WDR27: variants seen among roughly 807,000 people sequenced by gnomAD.
The protein encoded by WDR27 is WD repeat domain 27.
A neutral mutation model predicts 114.4 loss-of-function variants in WDR27; 100 were observed. The ratio of observed to expected loss-of-function variants is 0.87; its 90% CI spans 0.74 to 1.03. The LOEUF (loss-of-function observed/expected upper bound fraction) is 1.03, where lower values mean the gene tolerates loss of function less well. Among genes scored for constraint, WDR27 ranks in the 50% least tolerant of loss-of-function variants. WDR27 has a pLI of 0.00. For synonymous variants in WDR27, 449 were observed against 423.1 expected, an observed-to-expected ratio of 1.06 and a Z score of -0.75; for missense variants, 1,129 against 1,092.9, an observed-to-expected ratio of 1.03 and a Z score of -0.47.
At position 169,688,988 on chromosome 6, in the gene WDR27, G is replaced by A. The variant is rs1783775243; in HGVS notation, c.18C>T (p.Asp6=). The A allele has an allele frequency of 7.4e-6, 12 of 1,612,048 alleles. No homozygotes were observed. In the East Asian group the frequency reaches 2.5e-4, roughly 33 times the overall value. Residue 6 remains aspartate (D), a synonymous_variant, in exon 2 of 26, where the codon GAC becomes GAT. Coordinates refer to ENST00000448612, the MANE Select transcript of WDR27 (RefSeq NM_182552.5). MENPQ[D]IFSSNGGCLS... is the part of the protein sequence containing the mutation. ...GACAGCCACCATTACTTGAGAAAATGTCTTGGGGATTTTCCATCTTCAATC... is the reference window on the plus strand; with the variant it reads ...GACAGCCACCATTACTTGAGAAAATATCTTGGGGATTTTCCATCTTCAATC...
the WDR27 span, among the ~76,000 whole-genome samples, chr6:169,443,382 G>C: frequency 6.6e-6 from 1 of 152,220 alleles, no homozygotes; most frequent in African/African-American, 2.4e-5. Flanking sequence ...CATTCGCTTT[G>C]ATAGGCATGT....
intron 22 of WDR27, among the ~76,000 whole-genome samples, chr6:169,605,108 C>CAAAAAAAAAAAAAAAAAAAAAAAAAAA (rs59884264): frequency 2.6e-5 from 2 of 76,204 alleles, no homozygotes; most frequent in Non-Finnish European, 4.3e-5. Context: ...AGCAATTAGG[C>CAAAAAAAAAAAAAAAAAAAAAAAAAAA]AAAAAAAAAA....
At chr6:169,594,456 G>A (rs1482093770) in intron 23 of WDR27, among the ~76,000 whole-genome samples, 1 of 152,114 alleles carries the variant, frequency 6.6e-6, no homozygotes, top group African/African-American at 2.4e-5. Flanking sequence ...ATGATATAGA[G>A]GTTTCCTATA....
intron 1 of WDR27, among the ~76,000 whole-genome samples, chr6:169,692,618 C>T (rs1290232278): frequency 2.0e-5 from 3 of 152,226 alleles, no homozygotes; most frequent in African/African-American, 7.2e-5. Flanking sequence ...AGACCAGCTT[C>T]ACAAACTGCA....
At chr6:169,429,184 CGGCTTT>C in the WDR27 span, among the ~76,000 whole-genome samples, 1 of 152,124 alleles carries the variant, frequency 6.6e-6, no homozygotes, top group Non-Finnish European at 1.5e-5. Flanking sequence ...CGGCGCTGGG[CGGCTTT>C]GGCTTTGTCC....
rs563810092 is a variant in WDR27, at chr6:169,634,672, T to C, written c.2004-147A>G. On this transcript the variant is annotated intron_variant, in intron 19 of 25. Transcript: ENST00000448612. ...TATGATACTGAGGGGAAAAGTGAAT[T>C]AGCTACCTTAATTTTTCTTTAGGAA... 6 of 550,364 alleles carry C rather than the reference T, an allele frequency of 1.1e-5. No individual in the cohort carries two copies. In the Admixed American group the frequency reaches 2.2e-4, roughly 20 times the overall value. The allele number at this position is 550,364 out of a possible 1,614,324, so 34.1% of individuals were successfully genotyped here.
intron 2 of WDR27, among the ~76,000 whole-genome samples, chr6:169,679,618 CACTTGTTCCTGTTTT>C (rs1372055202): frequency 1.3e-5 from 2 of 152,124 alleles, no homozygotes; most frequent in Non-Finnish European, 2.9e-5. Flanking sequence ...TCCTCCTGAC[CACTTGTTCCTGTTTT>C]CACCCTGTGA....
chr6:169,572,193 C>T (rs571404103), intron 25 of WDR27, among the ~76,000 whole-genome samples: 48 of 152,194 alleles, frequency 3.2e-4, no homozygotes, highest in Non-Finnish European at 8.8e-5. Flanking sequence ...TTAGGTAAAA[C>T]ATTGAGTCTG....
At chr6:169,496,796 C>T (rs959214375) in intron 25 of WDR27, among the ~76,000 whole-genome samples, 14 of 151,948 alleles carry the variant, frequency 9.2e-5, no homozygotes, top group South Asian at 2.1e-4. Context: ...TTAAAGAAGA[C>T]GTAAATTAAT....
At chr6:169,454,860 G>C (rs1326899938), downstream of WDR27, among the ~76,000 whole-genome samples, 1 of 152,236 alleles carries the variant, frequency 6.6e-6, no homozygotes, top group Non-Finnish European at 1.5e-5. Flanking sequence ...GGCTGCCAGG[G>C]CTGCAGGTGG....
At chr6:169,514,998 C>A (rs1026853153) in intron 25 of WDR27, among the ~76,000 whole-genome samples, 1 of 151,792 alleles carries the variant, frequency 6.6e-6, no homozygotes, top group Non-Finnish European at 1.5e-5. Context: ...TCACCACTTG[C>A]ATTTAATACT....
intron 24 of WDR27, among the ~76,000 whole-genome samples, chr6:169,581,108 C>G (rs1803336027): frequency 1.3e-5 from 2 of 151,852 alleles, no homozygotes; most frequent in South Asian, 4.2e-4. Context: ...TTGCTTTTTC[C>G]TCTTTATTTT....
At chr6:169,666,435 CCTTTT>C in intron 6 of WDR27, 1 of 985,450 alleles carries the variant, frequency 1.0e-6, no homozygotes, top group Non-Finnish European at 1.2e-6. Flanking sequence ...AGAACGCTCT[CCTTTT>C]AATTCCCTAA....
chr6:169,564,937 C>T (rs1047088166), intron 25 of WDR27, among the ~76,000 whole-genome samples: 1 of 152,356 alleles, frequency 6.6e-6, no homozygotes, highest in Non-Finnish European at 1.5e-5. Context: ...AGGTGCAGAA[C>T]GGGTCGGGAG....
Position 169,668,160 on chromosome 6 carries a change from T to A in WDR27, c.482A>T (p.Glu161Val). 1 of 1,613,980 alleles carries A rather than the reference T, an allele frequency of 6.2e-7. No homozygotes were observed. The highest frequency in any genetic ancestry group is 1.3e-5 in the African/African-American group (1 of 75,046). ...GTGGCGGTTATTAACATCAGGACGT[T>A]CTATGTATGTCACAGAAAATCGCTG... is the stretch of plus-strand genomic sequence containing the variant. ...IEQRFSVTYI[E>V]RPDVNNRHKV... The change falls in exon 5 of 26, where the codon GAA (glutamate) becomes GTA (valine). Residue 161 changes from glutamate to valine, a missense_variant. Glu to Val is a moderately radical substitution (Grantham distance 121). Coordinates refer to ENST00000448612, the MANE Select transcript of WDR27 (RefSeq NM_182552.5).
chr6:169,696,702 CAGG>C (rs1045919310), intron 1 of WDR27, among the ~76,000 whole-genome samples: 2 of 152,194 alleles, frequency 1.3e-5, no homozygotes, highest in Admixed American at 6.5e-5. Context: ...ATCACGAGGT[CAGG>C]AGTTCAAGAA....
chr6:169,502,384 G>T (rs980470368), intron 25 of WDR27, among the ~76,000 whole-genome samples: 3 of 152,208 alleles, frequency 2.0e-5, no homozygotes, highest in Admixed American at 6.5e-5. Flanking sequence ...TCCTACTTGA[G>T]GGTCCAGGGC....
intron 5 of WDR27, chr6:169,667,501 G>A (rs907219619): frequency 1.9e-5 from 10 of 517,386 alleles, no homozygotes; most frequent in Non-Finnish European, 2.5e-5. Context: ...GGCACCAAGC[G>A]GAAACTGTAG....
intron 25 of WDR27, among the ~76,000 whole-genome samples, chr6:169,519,107 G>C (rs1443968587): frequency 6.6e-6 from 1 of 152,156 alleles, no homozygotes; most frequent in Non-Finnish European, 1.5e-5. Flanking sequence ...AGCCTTCACT[G>C]TCCATAGCAC....
Sources: gnomAD v4.1 joint callset for allele counts (sites outside exome capture counted in the v4.1 genomes callset) on GRCh38, gnomAD v4.1.1 for gene constraint, MANE v1.5 for transcripts, NCBI Gene and HGNC (gene_info 2026-07-23, HGNC 2026-07-21) for gene names.